Variants in KIAA0825 observed in about 807,000 individuals in gnomAD.
The protein encoded by KIAA0825 is uncharacterized protein KIAA0825.
A neutral mutation model predicts 147.6 loss-of-function variants in KIAA0825; 119 were observed. The observed-to-expected ratio is 0.81, with a 90% confidence interval of 0.69 to 0.94. KIAA0825 has a LOEUF of 0.94. Among genes scored for constraint, KIAA0825 ranks in the 40% least tolerant of loss-of-function variants. The pLI, the probability that KIAA0825 is intolerant of heterozygous loss-of-function variation, is 0.00. For synonymous variants in KIAA0825, 470 were observed against 518.1 expected, an observed-to-expected ratio of 0.91 and a Z score of 1.26; for missense variants, 1,381 against 1,472.7, an observed-to-expected ratio of 0.94 and a Z score of 1.02.
chr5:94,558,005 TG>T (rs961735130), intron 2 of KIAA0825, among the ~76,000 whole-genome samples: 2 of 152,222 alleles, frequency 1.3e-5, no homozygotes, highest in Non-Finnish European at 1.5e-5. Flanking sequence ...TTGCCGCTCC[TG>T]ATCAGGCTAA....
At chr5:94,537,568 G>A (rs999726624) in intron 2 of KIAA0825, among the ~76,000 whole-genome samples, 1 of 139,320 alleles carries the variant, frequency 7.2e-6, no homozygotes, top group Non-Finnish European at 1.5e-5. Context: ...GAAGAATGGT[G>A]TGAACCCAGA....
chr5:94,180,292 T>G (rs1182141658), intron 20 of KIAA0825, among the ~76,000 whole-genome samples: 1 of 151,852 alleles, frequency 6.6e-6, no homozygotes, highest in East Asian at 1.9e-4. Context: ...AAACCAAAAT[T>G]GAGGCACATT....
intron 20 of KIAA0825, among the ~76,000 whole-genome samples, chr5:94,197,394 T>C (rs931836879): frequency 9.2e-5 from 14 of 152,194 alleles, no homozygotes; most frequent in Non-Finnish European, 1.5e-4. Context: ...AGTTTGGAAA[T>C]ATTTTCTCCT....
chr5:94,425,476 T>C (rs1465597765), intron 14 of KIAA0825, among the ~76,000 whole-genome samples: 1 of 152,094 alleles, frequency 6.6e-6, no homozygotes, highest in Non-Finnish European at 1.5e-5. Flanking sequence ...TGGAAGCTCA[T>C]GTCTATAATG....
rs145018992 is a variant in KIAA0825, at chr5:94,235,469, A to G, written c.3711-81345T>C. Among the ~76,000 whole-genome samples the G allele has an allele frequency of 1.5e-3, 233 of 152,354 alleles. 1 individual carries two copies. The highest frequency in any genetic ancestry group is 5.1e-3 in the African/African-American group (212 of 41,592). ...GTCTGAAGGTAGCAGAACTTGGTTC[A>G]TGAGGTTTAAGGAAAGAAGCTGTTT... On this transcript the variant is annotated intron_variant, in intron 20 of 20. Coordinates refer to ENST00000682413, the MANE Select transcript of KIAA0825 (RefSeq NM_001145678.3).
chr5:94,484,789 T>C lies in KIAA0825; in HGVS notation c.1112A>G (p.Lys371Arg), dbSNP rs1762858264. 1 of 1,494,586 alleles carries C rather than the reference T, an allele frequency of 6.7e-7. No homozygotes were observed. The highest frequency in any genetic ancestry group is 9.0e-7 in the Non-Finnish European group (1 of 1,109,826). 92.6% of individuals were successfully genotyped at this position (1,494,586 alleles called of 1,614,324 possible). Residue 371 changes from lysine (K) to arginine (R), a missense_variant, in exon 6 of 21, where the codon AAG becomes AGG. Transcript: ENST00000682413. The stretch of plus-strand genomic sequence containing the variant: ...ATTACCTGAAGTATCCCTGGTTATC[T>C]TGAGTGATAAAAGTATTTCGTCAAA... ...ELFDEILLSL[K>R]ITRDTSGILE...
Position 94,336,480 on chromosome 5 carries a change from C to T in KIAA0825, c.3710+47888G>A, listed in dbSNP as rs1231153177. 3.1e-5 allele frequency among the ~76,000 whole-genome samples: 4 copies of T among 128,394 alleles called. No individual in the cohort carries two copies. The East Asian group carries it at 9.6e-4, about 31-fold the overall frequency. The allele number at this position is 128,394 out of a possible 152,430, so 84.2% of individuals were successfully genotyped here. ...CTTGTGTCCATGTGTTCTCATTGTT[C>T]AACTCTCACTTATGAGTGAGAACAT... On this transcript the variant is annotated intron_variant, in intron 20 of 20. Coordinates refer to ENST00000682413, the MANE Select transcript of KIAA0825 (RefSeq NM_001145678.3).
intron 13 of KIAA0825, among the ~76,000 whole-genome samples, chr5:94,441,654 G>T (rs1005399596): frequency 6.6e-6 from 1 of 152,078 alleles, no homozygotes; most frequent in Non-Finnish European, 1.5e-5. Context: ...CAAGAAGTTC[G>T]CTATGGGAAA....
At chr5:94,352,874 A>G (rs1783837692) in intron 20 of KIAA0825, among the ~76,000 whole-genome samples, 1 of 150,862 alleles carries the variant, frequency 6.6e-6, no homozygotes, top group Non-Finnish European at 1.5e-5. Flanking sequence ...GAGCTAAGCT[A>G]TGAGGATGCG....
Position 94,151,285 on chromosome 5 carries a change from C to T in KIAA0825, c.*2722G>A, listed in dbSNP as rs1230590936. ...ACAAAAAAGTAGCCGGGCGCGGTGG[C>T]GGGCGCCTGTAGTCCCAGCTACTCG... On this transcript the variant is annotated 3_prime_UTR_variant, in exon 21 of 21. Transcript: ENST00000682413. Among the ~76,000 whole-genome samples the T allele has an allele frequency of 2.7e-5, 4 of 150,804 alleles. No homozygotes were observed. The highest frequency in any genetic ancestry group is 2.1e-4 in the South Asian group (1 of 4,768).
At chr5:94,334,366 CAGA>C (rs1238085512) in intron 20 of KIAA0825, among the ~76,000 whole-genome samples, 16 of 152,246 alleles carry the variant, frequency 1.1e-4, no homozygotes, top group Non-Finnish European at 2.4e-4. Flanking sequence ...CATAGTTCAA[CAGA>C]AGAAGTCCAA....
intron 5 of KIAA0825, among the ~76,000 whole-genome samples, chr5:94,515,964 T>C (rs1767173352): frequency 6.6e-6 from 1 of 152,174 alleles, no homozygotes; most frequent in South Asian, 2.1e-4. Flanking sequence ...AATATTTATG[T>C]TAACATTATT....
chr5:94,509,917 T>C lies in KIAA0825; in HGVS notation c.970+10331A>G, dbSNP rs74708122. On this transcript the variant is annotated intron_variant, in intron 5 of 20. Transcript: ENST00000682413. ...CCATTAAAAGTACATCCTCTTCAGA[T>C]AGCTGAAGGATTACTGTTTTACTGC... 5.6e-3 allele frequency among the ~76,000 whole-genome samples: 853 copies of C among 152,306 alleles called. 10 individuals carry two copies. The highest frequency in any genetic ancestry group is 0.019 in the African/African-American group (786 of 41,568).
chr5:94,546,493 C>G (rs572121209), intron 2 of KIAA0825, among the ~76,000 whole-genome samples: 39 of 150,450 alleles, frequency 2.6e-4, no homozygotes, highest in African/African-American at 9.5e-4. Flanking sequence ...TATTACCCCA[C>G]CCCCAGCTCC....
At chr5:94,583,762 C>T (rs1399402164) in intron 1 of KIAA0825, among the ~76,000 whole-genome samples, 1 of 152,156 alleles carries the variant, frequency 6.6e-6, no homozygotes, top group Non-Finnish European at 1.5e-5. Context: ...GACTGGAAGA[C>T]ATCTCCCAGT....
chr5:94,328,395 A>G (rs1459323613), intron 20 of KIAA0825, among the ~76,000 whole-genome samples: 6 of 152,122 alleles, frequency 3.9e-5, no homozygotes, highest in Admixed American at 6.5e-5. Flanking sequence ...AAAATTGTAA[A>G]TATAGATCTT....
chr5:94,461,150 T>C (rs919240654), intron 12 of KIAA0825, among the ~76,000 whole-genome samples: 4 of 152,030 alleles, frequency 2.6e-5, no homozygotes, highest in African/African-American at 4.8e-5. Context: ...GTTACATTAT[T>C]ATTAAAATAT....
intron 20 of KIAA0825, among the ~76,000 whole-genome samples, chr5:94,337,094 G>C (rs1013566572): frequency 1.3e-5 from 2 of 152,138 alleles, no homozygotes; most frequent in Non-Finnish European, 2.9e-5. Flanking sequence ...GAAATGTCCA[G>C]AGCAGATCCG....
At chr5:94,181,372 T>C (rs976652943) in intron 20 of KIAA0825, among the ~76,000 whole-genome samples, 6 of 152,198 alleles carry the variant, frequency 3.9e-5, no homozygotes, top group Admixed American at 3.9e-4. Flanking sequence ...TGAAGCTGAT[T>C]GCAAAATGAA....
Sources: gnomAD v4.1 joint callset for allele counts (sites outside exome capture counted in the v4.1 genomes callset) on GRCh38, gnomAD v4.1.1 for gene constraint, MANE v1.5 for transcripts, NCBI Gene and HGNC (gene_info 2026-07-23, HGNC 2026-07-21) for gene names.